The following DYNC2H1 variants were observed in gnomAD, a reference collection of about 807,000 sequenced individuals.
The protein encoded by DYNC2H1 is dynein cytoplasmic 2 heavy chain 1.
In DYNC2H1, 410 loss-of-function variants were observed where a neutral mutation model predicts 570.0. That is an observed-to-expected ratio of 0.72 (90% CI 0.66 to 0.78). DYNC2H1 has a LOEUF of 0.78. Among genes scored for constraint, DYNC2H1 ranks in the 30% least tolerant of loss-of-function variants. The pLI, the probability that DYNC2H1 is intolerant of heterozygous loss-of-function variation, is 0.00. For missense variants in DYNC2H1, 4,865 were observed against 5,046.4 expected, an observed-to-expected ratio of 0.96 and a Z score of 1.09; for synonymous variants, 1,688 against 1,677.6, an observed-to-expected ratio of 1.01 and a Z score of -0.15.
In DYNC2H1 at chr11:103,156,262, C is replaced by CT. The variant is rs373290219; in HGVS notation, c.3745-114dup. On this transcript the variant is annotated intron_variant, in intron 25 of 88. Coordinates refer to ENST00000375735, the MANE Select transcript of DYNC2H1 (RefSeq NM_001377.3). ...TTGCATGTAAAATAGAGCCACTTAA[C>CT]TTTTTTTTTTTTGCCTTATGGTGAA... 82,307 of 783,170 alleles carry CT rather than the reference C, an allele frequency of 0.11. 627 individuals are homozygous for CT. The highest frequency in any genetic ancestry group is 0.13 in the African/African-American group (6,935 of 54,208). The allele number at this position is 783,170 out of a possible 1,614,324, so 48.5% of individuals were successfully genotyped here.
chr11:103,255,566 C>A, intron 67 of DYNC2H1, 32 bp downstream of exon 67: 4 of 1,485,026 alleles, frequency 2.7e-6, no homozygotes, highest in South Asian at 2.8e-5. Context: ...TTACTTTTTT[C>A]GTATTACTTT....
intron 78 of DYNC2H1, among the ~76,000 whole-genome samples, chr11:103,309,051 C>T (rs572918627): frequency 3.4e-4 from 52 of 151,962 alleles, no homozygotes; most frequent in African/African-American, 1.2e-3. Flanking sequence ...TAGATCCAAC[C>T]CAAACCTTAT....
Position 103,187,511 on chromosome 11 carries a change from T to A in DYNC2H1, c.7065T>A (p.Val2355=), listed in dbSNP as rs1422588870. 1.2e-6 allele frequency: 2 copies of A among 1,613,248 alleles called. No individual in the cohort carries two copies. The highest frequency in any genetic ancestry group is 1.3e-5 in the African/African-American group (1 of 74,872). Residue 2355 remains valine, a synonymous_variant, in exon 43 of 89, where the codon GTT becomes GTA. Coordinates refer to ENST00000375735, the MANE Select transcript of DYNC2H1 (RefSeq NM_001377.3). The part of the protein sequence containing the change: ...VYRPKDCERL[V]LYLKDINLPK... ...GACCAAAAGACTGTGAAAGACTTGT[T>A]CTGTACTTAAAAGATATCAACCTAC... is the stretch of plus-strand genomic sequence containing the variant.
intron 70 of DYNC2H1, among the ~76,000 whole-genome samples, chr11:103,265,325 CTA>C (rs1865465725): frequency 6.6e-6 from 1 of 152,184 alleles, no homozygotes; most frequent in African/African-American, 2.4e-5. Context: ...ACATGTATAA[CTA>C]TGTAATAAAC....
intron 79 of DYNC2H1, among the ~76,000 whole-genome samples, chr11:103,312,309 G>A (rs1867627378): frequency 6.6e-6 from 1 of 151,224 alleles, no homozygotes; most frequent in Non-Finnish European, 1.5e-5. Flanking sequence ...GAACCCGGGA[G>A]GCGGAGTTTG....
chr11:103,152,065 A>C, intron 20 of DYNC2H1, 71 bp from the exon 21 acceptor site: 2 of 1,369,554 alleles, frequency 1.5e-6, no homozygotes, highest in Non-Finnish European at 2.0e-6. Flanking sequence ...AAAAATTAAA[A>C]TAAATGAAAT....
At chr11:103,282,912 A>G in intron 72 of DYNC2H1, 96 bp from the exon 73 acceptor site, 4 of 901,526 alleles carry the variant, frequency 4.4e-6, no homozygotes, top group Non-Finnish European at 6.7e-6. Flanking sequence ...CATAGAATGA[A>G]TTTTTTTCAA....
At position 103,307,721 on chromosome 11, in the gene DYNC2H1, G is replaced by A. The variant is rs1294677898; in HGVS notation, c.11383G>A (p.Glu3795Lys). Residue 3795 changes from glutamate (E) to lysine (K), a missense_variant and splice_region_variant, in exon 78 of 89, where the codon GAA becomes AAA. Glu to Lys is a moderately conservative substitution (Grantham distance 56). Coordinates refer to ENST00000375735, the MANE Select transcript of DYNC2H1 (RefSeq NM_001377.3). ...VVSWLPVLEK[E>K]LNTLQPKDTF... is the part of the protein sequence containing the mutation. ...TTTTGTCATTGGTTTTGTAAACAAG[G>A]AATTGAATACTCTTCAACCTAAAGA... The A allele has an allele frequency of 2.6e-6, 4 of 1,549,672 alleles. No homozygotes were observed. The African/African-American group carries it at 5.5e-5, about 21-fold the overall frequency.
At chr11:103,346,295 C>T (rs994228517) in intron 82 of DYNC2H1, among the ~76,000 whole-genome samples, 2 of 152,066 alleles carry the variant, frequency 1.3e-5, no homozygotes, top group Non-Finnish European at 2.9e-5. Flanking sequence ...TTTCTGAAAT[C>T]GGAAAGCTTA....
intron 11 of DYNC2H1, among the ~76,000 whole-genome samples, chr11:103,124,081 T>C (rs1444234338): frequency 6.6e-6 from 1 of 152,210 alleles, no homozygotes; most frequent in African/African-American, 2.4e-5. Flanking sequence ...ATAAGCTGAA[T>C]ACTTTTGTTC....
chr11:103,173,365 A>G (rs1279329436), intron 35 of DYNC2H1, 60 bp downstream of exon 35: 19 of 1,182,234 alleles, frequency 1.6e-5, no homozygotes, highest in Non-Finnish European at 1.8e-5. Flanking sequence ...GATTTTGGTT[A>G]TTAGTGATCA....
rs1175818746 is a variant in DYNC2H1 at position 103,204,250 on chromosome 11, C to T, written c.8311+474C>T. Among the ~76,000 whole-genome samples the T allele has an allele frequency of 6.6e-6, 1 of 152,266 alleles. No homozygotes were observed. The highest frequency in any genetic ancestry group is 2.4e-5 in the African/African-American group (1 of 41,550). On this transcript the variant is annotated intron_variant, in intron 51 of 88. Transcript: ENST00000375735. The surrounding 1 kb of genome is among the most constrained non-coding windows in gnomAD (Gnocchi z 4.1). ...ATCATGTCCCACCAGGTTCCTCCCGCAACACGTGGGGATTATGGGAGCTAC... is the reference window on the plus strand; with the variant it reads ...ATCATGTCCCACCAGGTTCCTCCCGTAACACGTGGGGATTATGGGAGCTAC...
At chr11:103,276,297 A>G (rs1022560725) in intron 70 of DYNC2H1, among the ~76,000 whole-genome samples, 18 of 152,138 alleles carry the variant, frequency 1.2e-4, no homozygotes, top group Admixed American at 9.2e-4. Context: ...TGTAGTACTT[A>G]CAGGAAGGTC....
intron 82 of DYNC2H1, among the ~76,000 whole-genome samples, chr11:103,328,893 T>C (rs1938629528): frequency 6.6e-6 from 1 of 152,146 alleles, no homozygotes; most frequent in Non-Finnish European, 1.5e-5. Context: ...AGCAAGAGAC[T>C]TTGGGTTTTG....
At chr11:103,313,358 G>A (rs1469625487) in intron 79 of DYNC2H1, among the ~76,000 whole-genome samples, 1 of 152,132 alleles carries the variant, frequency 6.6e-6, no homozygotes, top group Non-Finnish European at 1.5e-5. Context: ...CATTGCCATG[G>A]CAGTCATATC....
intron 85 of DYNC2H1, among the ~76,000 whole-genome samples, chr11:103,443,572 C>T (rs1944336138): frequency 6.6e-6 from 1 of 151,558 alleles, no homozygotes; most frequent in South Asian, 2.1e-4. Flanking sequence ...GAATCTTGAA[C>T]ATAAGACTCA....
intron 77 of DYNC2H1, 143 bp from the exon 78 acceptor site, chr11:103,307,578 T>C (rs1867354390): frequency 2.0e-6 from 1 of 496,382 alleles, no homozygotes; most frequent in Non-Finnish European, 3.5e-6. Context: ...GATAAAAATT[T>C]AAAGGAAATA....
At chr11:103,378,040 G>T (rs1565541660) in intron 83 of DYNC2H1, among the ~76,000 whole-genome samples, 1 of 152,142 alleles carries the variant, frequency 6.6e-6, no homozygotes, top group African/African-American at 2.4e-5. Context: ...CCAGGCTGAA[G>T]GCTGCTTTTT....
At chr11:103,153,608 C>G (rs1442519155) in intron 22 of DYNC2H1, 100 bp downstream of exon 22, 1 of 1,043,988 alleles carries the variant, frequency 9.6e-7, no homozygotes, top group African/African-American at 1.6e-5. Context: ...TAACTTTCCT[C>G]ATAAACTTCA....
Sources: gnomAD v4.1 joint callset for allele counts (sites outside exome capture counted in the v4.1 genomes callset) on GRCh38, gnomAD v4.1.1 for gene constraint, Gnocchi (gnomAD v3.1) non-coding constraint, MANE v1.5 for transcripts, NCBI Gene and HGNC (gene_info 2026-07-23, HGNC 2026-07-21) for gene names.